COLEC12: variants seen among roughly 807,000 people sequenced by gnomAD.
COLEC12 encodes the protein collectin-12.
In COLEC12, 33 loss-of-function variants were observed where a neutral mutation model predicts 71.1. The ratio of observed to expected loss-of-function variants is 0.46; its 90% CI spans 0.35 to 0.62. COLEC12 has a LOEUF of 0.62. Ranked by LOEUF, COLEC12 falls within the 20% of genes least tolerant of loss-of-function variation. The probability of loss-of-function intolerance (pLI) is 0.00; values close to 1 mark genes in which losing one functional copy is unlikely to be tolerated. For missense variants in COLEC12, 765 were observed against 916.1 expected (o/e 0.84, Z 2.13); for synonymous variants, 350 against 353.0 (o/e 0.99, Z 0.10).
rs1275817917 is a variant in COLEC12, at chr18:318,321, A to G, written c.*1724T>C. ...CATTTTATTTGGGATAAGTAGCAGC[A>G]CTGCCTGGGAAGACCCTTGGGAGGG... On this transcript the variant is annotated 3_prime_UTR_variant, in exon 10 of 10. Transcript: ENST00000400256. 6.6e-6 allele frequency: 1 copy of G among 151,824 alleles called. No individual in the cohort carries two copies. Among genetic ancestry groups the G allele is most frequent in the African/African-American group, 2.4e-5 (1 of 41,302 alleles). The allele number at this position is 151,824 out of a possible 1,614,324, so 9.4% of individuals were successfully genotyped here.
In COLEC12 at chr18:480,079, T is replaced by C. The variant is rs1381653018; in HGVS notation, c.58+628A>G. On this transcript the variant is annotated intron_variant, in intron 2 of 9. Coordinates refer to ENST00000400256, the MANE Select transcript of COLEC12 (RefSeq NM_130386.3). This position sits in a 1 kb window ranked among gnomAD's most constrained non-coding sequence, Gnocchi z 4.1. ...CTGCAGTCACATCTCCCTCTGCCTC[T>C]CTCTTACAAGGACGCTTGTGATGGC... is the stretch of plus-strand genomic sequence containing the variant. 6.6e-6 allele frequency among the ~76,000 whole-genome samples: 1 copy of C among 152,208 alleles called. No individual in the cohort carries two copies. The highest frequency in any genetic ancestry group is 1.5e-5 in the Non-Finnish European group (1 of 68,028).
intron 2 of COLEC12, among the ~76,000 whole-genome samples, chr18:372,600 T>C (rs1915024388): frequency 6.6e-6 from 1 of 152,104 alleles, no homozygotes; most frequent in Admixed American, 6.5e-5. Context: ...GTATTTTTTG[T>C]AGAAATGGGG....
intron 2 of COLEC12, among the ~76,000 whole-genome samples, chr18:386,402 A>T (rs1186468239): frequency 6.6e-6 from 1 of 152,216 alleles, no homozygotes; most frequent in Non-Finnish European, 1.5e-5. Flanking sequence ...TCTGTGGACT[A>T]GTGGCATCAG....
intron 9 of COLEC12, among the ~76,000 whole-genome samples, 186 bp downstream of exon 9, chr18:321,476 C>T (rs1439044704): frequency 6.6e-6 from 1 of 152,276 alleles, no homozygotes; most frequent in African/African-American, 2.4e-5. Flanking sequence ...TAAATCTTCA[C>T]AACCTCGTGA....
Position 346,650 on chromosome 18 carries a change from T to C in COLEC12, c.972A>G (p.Arg324=). The change falls in exon 5 of 10, where the codon AGA becomes AGG. Residue 324 remains arginine (R), a synonymous_variant. Transcript: ENST00000400256. This position sits in a 1 kb window ranked among gnomAD's most constrained non-coding sequence, Gnocchi z 4.0. The stretch of plus-strand genomic sequence containing the variant: ...CCAGTTGGTTGAACTTGATGGCTGT[T>C]CTATTCTCTGCATCTTTGTGTAAGT... ...LQDLHKDAEN[R]TAIKFNQLEE... The C allele has an allele frequency of 6.2e-7, 1 of 1,614,242 alleles. No homozygotes were observed. Among genetic ancestry groups the C allele is most frequent in the Non-Finnish European group, 8.5e-7 (1 of 1,180,034 alleles).
rs1265189976 is a variant in COLEC12 at position 327,206 on chromosome 18, T to C, written c.2063+4462A>G. Among the ~76,000 whole-genome samples, 1 of 152,220 alleles carries C rather than the reference T, an allele frequency of 6.6e-6. No individual in the cohort carries two copies. Among genetic ancestry groups the C allele is most frequent in the Non-Finnish European group, 1.5e-5 (1 of 68,046 alleles). ...AATGTGTGTGTGTGTGAATGTAAGA[T>C]GGCCAGCCATCTCTTCTTGGAAATA... On this transcript the variant is annotated intron_variant, in intron 8 of 9. Coordinates refer to ENST00000400256, the MANE Select transcript of COLEC12 (RefSeq NM_130386.3). The surrounding 1 kb of genome is among the most constrained non-coding windows in gnomAD (Gnocchi z 4.0).
At chr18:462,720 G>T (rs1917007004) in intron 2 of COLEC12, among the ~76,000 whole-genome samples, 2 of 152,084 alleles carry the variant, frequency 1.3e-5, no homozygotes, top group African/African-American at 4.8e-5. Flanking sequence ...AACGGAGGAG[G>T]ACTCCCACCT....
chr18:454,673 A>G (rs1196649244), intron 2 of COLEC12, among the ~76,000 whole-genome samples: 1 of 152,022 alleles, frequency 6.6e-6, no homozygotes, highest in Non-Finnish European at 1.5e-5. Context: ...TAAAAGTGAG[A>G]CTCTGTCTCC....
chr18:348,312 A>G, intron 3 of COLEC12, 149 bp from the exon 4 acceptor site: 1 of 532,898 alleles, frequency 1.9e-6, no homozygotes, highest in African/African-American at 1.9e-5. Context: ...AAGAAAAGCC[A>G]TCTTTTTGGA....
At chr18:442,691 G>A (rs1485485882) in intron 2 of COLEC12, among the ~76,000 whole-genome samples, 2 of 152,256 alleles carry the variant, frequency 1.3e-5, no homozygotes, top group African/African-American at 4.8e-5. Context: ...GCCGGGCGCA[G>A]TGGCTCACGC....
At chr18:485,972 T>A (rs1253850619) in intron 1 of COLEC12, among the ~76,000 whole-genome samples, 1 of 152,228 alleles carries the variant, frequency 6.6e-6, no homozygotes, top group Admixed American at 6.5e-5. Context: ...TTATGATGCA[T>A]GATAGGCACT....
chr18:354,312 G>A (rs1198468332), intron 3 of COLEC12, among the ~76,000 whole-genome samples: 3 of 152,230 alleles, frequency 2.0e-5, no homozygotes, highest in Non-Finnish European at 4.4e-5. Flanking sequence ...GTGACTGAGC[G>A]ATTCTCTGGC....
chr18:409,126 G>A (rs1012194925), intron 2 of COLEC12, among the ~76,000 whole-genome samples: 2 of 152,150 alleles, frequency 1.3e-5, no homozygotes, highest in Admixed American at 6.5e-5. Context: ...GTGAGCCACC[G>A]CATCTGGCCA....
intron 2 of COLEC12, among the ~76,000 whole-genome samples, chr18:473,495 C>CTGGGATTAGA (rs1555622398): frequency 6.6e-6 from 1 of 151,252 alleles, no homozygotes; most frequent in East Asian, 2.0e-4. Context: ...CCCCGAGAAG[C>CTGGGATTAGA]TGGGATTACA....
chr18:387,407 C>A (rs947213575), intron 2 of COLEC12, among the ~76,000 whole-genome samples: 2 of 152,038 alleles, frequency 1.3e-5, no homozygotes, highest in South Asian at 2.1e-4. Flanking sequence ...TACTTTCATT[C>A]CTTCTTTCTC....
intron 2 of COLEC12, among the ~76,000 whole-genome samples, chr18:419,663 A>C (rs1916058848): frequency 6.6e-6 from 1 of 152,280 alleles, no homozygotes; most frequent in Admixed American, 6.5e-5. Flanking sequence ...AAGCAGATGC[A>C]GAGTGAGATA....
intron 2 of COLEC12, among the ~76,000 whole-genome samples, chr18:440,964 G>A (rs952744215): frequency 2.0e-5 from 3 of 152,130 alleles, no homozygotes; most frequent in African/African-American, 7.2e-5. Flanking sequence ...AAAGGGCTAT[G>A]CAGGCCGGGC....
intron 1 of COLEC12, among the ~76,000 whole-genome samples, chr18:493,765 C>A (rs1213896487): frequency 1.3e-5 from 2 of 152,182 alleles, no homozygotes; most frequent in African/African-American, 4.8e-5. Context: ...AGAAATATGA[C>A]AGCTTAATGG....
chr18:395,613 A>G (rs1356509746), intron 2 of COLEC12, among the ~76,000 whole-genome samples: 1 of 152,216 alleles, frequency 6.6e-6, no homozygotes, highest in Non-Finnish European at 1.5e-5. Flanking sequence ...TTACTCACCT[A>G]GAGTTTATAT....
Sources: allele counts gnomAD v4.1 joint callset (sites outside exome capture counted in the v4.1 genomes callset), GRCh38; gene constraint gnomAD v4.1.1; non-coding constraint Gnocchi (gnomAD v3.1); transcripts MANE v1.5; gene names NCBI Gene and HGNC (gene_info 2026-07-23, HGNC 2026-07-21).